The following FYN variants were observed in gnomAD, a reference collection of about 807,000 sequenced individuals.
FYN encodes the protein tyrosine-protein kinase Fyn.
In FYN, 10 loss-of-function variants were observed where a neutral mutation model predicts 70.2. That is an observed-to-expected ratio of 0.14 (90% CI 0.09 to 0.24). FYN has a LOEUF of 0.24. FYN is among the 10% of genes least tolerant of loss of function. The pLI is 1.00. For synonymous variants in FYN, 236 were observed against 248.6 expected, an observed-to-expected ratio of 0.95 and a Z score of 0.48; for missense variants, 319 against 673.1, an observed-to-expected ratio of 0.47 and a Z score of 5.82.
intron 2 of FYN, among the ~76,000 whole-genome samples, chr6:111,840,882 C>T (rs1773338367): frequency 1.3e-5 from 2 of 152,216 alleles, no homozygotes. Context: ...CCAACTTCTA[C>T]ACAGCAGGCC....
chr6:111,788,920 T>C (rs1261607319), intron 2 of FYN, among the ~76,000 whole-genome samples: 1 of 152,100 alleles, frequency 6.6e-6, no homozygotes, highest in African/African-American at 2.4e-5. Context: ...CACTGACCCA[T>C]CTGCTTCCCC....
intron 13 of FYN, among the ~76,000 whole-genome samples, chr6:111,662,470 T>C (rs1284217174): frequency 3.3e-5 from 5 of 152,218 alleles, no homozygotes; most frequent in African/African-American, 1.2e-4. Flanking sequence ...AAACACAGGT[T>C]GGGAGCCAGA....
At position 111,755,169 on chromosome 6, in the gene FYN, T is replaced by A. The variant is rs529878465; in HGVS notation, c.-12+25397A>T. On this transcript the variant is annotated intron_variant, in intron 3 of 13. Coordinates refer to ENST00000354650, the MANE Select transcript of FYN (RefSeq NM_002037.5). ...TTCAAGCACAGGAAAATCATAGCTA[T>A]ATGATTTTGATACTTTTTTTGTTTT... Among the ~76,000 whole-genome samples the A allele has an allele frequency of 1.5e-4, 23 of 152,280 alleles. No individual in the cohort carries two copies. In the East Asian group the frequency reaches 4.4e-3, roughly 29 times the overall value.
chr6:111,687,982 T>A (rs1158569611), intron 12 of FYN, among the ~76,000 whole-genome samples: 2 of 151,984 alleles, frequency 1.3e-5, no homozygotes, highest in Admixed American at 6.6e-5. Context: ...GGGAGGGGAC[T>A]GAGGTGTATG....
At chr6:111,812,014 C>A (rs1772340058) in intron 2 of FYN, among the ~76,000 whole-genome samples, 1 of 152,130 alleles carries the variant, frequency 6.6e-6, no homozygotes, top group Non-Finnish European at 1.5e-5. Context: ...CACCCCAGGA[C>A]CCAGTTTAAA....
At chr6:111,726,836 G>C (rs189882466) in intron 3 of FYN, among the ~76,000 whole-genome samples, 4 of 152,238 alleles carry the variant, frequency 2.6e-5, no homozygotes, top group East Asian at 1.9e-4. Flanking sequence ...TGCTGTTCTC[G>C]TGATAGTGAG....
chr6:111,782,486 C>A (rs1771212186), intron 2 of FYN, among the ~76,000 whole-genome samples: 1 of 152,158 alleles, frequency 6.6e-6, no homozygotes, highest in South Asian at 2.1e-4. Context: ...TATATTTAGA[C>A]TATAAATTAC....
At chr6:111,718,190 C>T (rs1800759286) in intron 4 of FYN, among the ~76,000 whole-genome samples, 1 of 152,138 alleles carries the variant, frequency 6.6e-6, no homozygotes, top group South Asian at 2.1e-4. Context: ...TCACTGAGGG[C>T]TTTTATGTTC....
chr6:111,711,587 C>A (rs932250249), intron 5 of FYN, among the ~76,000 whole-genome samples: 3 of 152,146 alleles, frequency 2.0e-5, no homozygotes, highest in African/African-American at 7.2e-5. Context: ...TTTAACAAAG[C>A]CAGCCCTGTG....
At chr6:111,858,913 T>C (rs1027707855) in intron 1 of FYN, among the ~76,000 whole-genome samples, 7 of 151,844 alleles carry the variant, frequency 4.6e-5, no homozygotes, top group Admixed American at 4.6e-4. Flanking sequence ...TATCATTATA[T>C]ATTTATATTT....
chr6:111,680,431 G>C (rs1227116637), intron 12 of FYN, among the ~76,000 whole-genome samples: 2 of 152,250 alleles, frequency 1.3e-5, no homozygotes, highest in Admixed American at 1.3e-4. Flanking sequence ...TCTGTAACCT[G>C]TACTAGGATT....
chr6:111,679,591 TCCTTACAGAG>T (rs904421643), intron 12 of FYN, among the ~76,000 whole-genome samples: 2 of 152,118 alleles, frequency 1.3e-5, no homozygotes, highest in African/African-American at 4.8e-5. Context: ...TAACCACAGT[TCCTTACAGAG>T]CGTATTATCA....
intron 1 of FYN, among the ~76,000 whole-genome samples, chr6:111,847,786 GA>G (rs1773573307): frequency 6.6e-6 from 1 of 152,208 alleles, no homozygotes; most frequent in Admixed American, 6.5e-5. Context: ...ATGAGGAAGA[GA>G]ATTTGAAACT....
At chr6:111,743,120 C>T (rs934695885) in intron 3 of FYN, among the ~76,000 whole-genome samples, 8 of 152,100 alleles carry the variant, frequency 5.3e-5, no homozygotes, top group African/African-American at 1.7e-4. Context: ...GTGCGCGCCA[C>T]CATGCCTGGC....
At chr6:111,662,442 T>C (rs1318433924) in intron 13 of FYN, among the ~76,000 whole-genome samples, 1 of 152,172 alleles carries the variant, frequency 6.6e-6, no homozygotes, top group Non-Finnish European at 1.5e-5. Context: ...TTAACAACCC[T>C]TTAAAAACGT....
intron 2 of FYN, among the ~76,000 whole-genome samples, chr6:111,809,431 G>C (rs993922431): frequency 6.6e-6 from 1 of 152,202 alleles, no homozygotes; most frequent in African/African-American, 2.4e-5. Context: ...GAATAAGCAC[G>C]AGTCTCTTGA....
chr6:111,764,955 A>G (rs889487692), intron 3 of FYN, among the ~76,000 whole-genome samples: 1 of 151,812 alleles, frequency 6.6e-6, no homozygotes, highest in African/African-American at 2.4e-5. Context: ...CCGCTGGGTG[A>G]GAAAATATGT....
At chr6:111,841,649 T>A (rs193017921) in intron 2 of FYN, among the ~76,000 whole-genome samples, 1 of 152,324 alleles carries the variant, frequency 6.6e-6, no homozygotes, top group African/African-American at 2.4e-5. Context: ...CTGTTCTATA[T>A]CCAGGACTAA....
chr6:111,721,134 A>C (rs1012298528), intron 3 of FYN, among the ~76,000 whole-genome samples: 1 of 152,094 alleles, frequency 6.6e-6, no homozygotes, highest in Non-Finnish European at 1.5e-5. Context: ...TTAATAAGGC[A>C]CCGCTTCCTC....
Sources: gnomAD v4.1 joint callset for allele counts (sites outside exome capture counted in the v4.1 genomes callset) on GRCh38, gnomAD v4.1.1 for gene constraint, MANE v1.5 for transcripts, NCBI Gene and HGNC (gene_info 2026-07-23, HGNC 2026-07-21) for gene names.